RFX3: variants seen among roughly 807,000 people sequenced by gnomAD.
RFX3 encodes the protein transcription factor RFX3.
In RFX3, 14 loss-of-function variants were observed where a neutral mutation model predicts 98.6. The ratio of observed to expected loss-of-function variants is 0.14; its 90% CI spans 0.09 to 0.22. RFX3 has a LOEUF of 0.22. RFX3 is among the 10% of genes least tolerant of loss of function. The probability of loss-of-function intolerance (pLI) is 1.00; values close to 1 mark genes in which losing one functional copy is unlikely to be tolerated. For missense variants in RFX3, 639 were observed against 926.9 expected (o/e 0.69, Z 4.03); for synonymous variants, 383 against 328.4 (o/e 1.17, Z -1.80).
chr9:3,293,039 A>C (rs1235998651), intron 6 of RFX3, 38 bp downstream of exon 6: 1 of 1,503,810 alleles, frequency 6.6e-7, no homozygotes, highest in East Asian at 2.3e-5. Context: ...AGTTTGAAAA[A>C]GAGAGATTAG....
chr9:3,257,859 A>G (rs1822337746), intron 13 of RFX3, among the ~76,000 whole-genome samples: 1 of 152,186 alleles, frequency 6.6e-6, no homozygotes, highest in Non-Finnish European at 1.5e-5. Context: ...GAAAATGTAG[A>G]CGTGCTTCCT....
chr9:3,307,548 C>T (rs971724574), intron 4 of RFX3, among the ~76,000 whole-genome samples: 13 of 152,228 alleles, frequency 8.5e-5, no homozygotes, highest in Non-Finnish European at 1.8e-4. Context: ...TTTCAAATCA[C>T]AGCTCTAAAG....
chr9:3,222,772 A>G lies in RFX3; in HGVS notation c.*2270T>C, dbSNP rs1817406054. On this transcript the variant is annotated 3_prime_UTR_variant, in exon 17 of 17. Coordinates refer to ENST00000617270, the MANE Select transcript of RFX3 (RefSeq NM_001282116.2). ...TTTGTGTGTGTTTTGGTACAAATCC[A>G]TTGTCTTTTTGGGAGGAAAAAGGGG... 6.6e-6 allele frequency: 1 copy of G among 152,138 alleles called. No individual in the cohort carries two copies. Among genetic ancestry groups the G allele is most frequent in the South Asian group, 2.1e-4 (1 of 4,828 alleles). The allele number at this position is 152,138 out of a possible 1,614,324, so 9.4% of individuals were successfully genotyped here.
intron 2 of RFX3, chr9:3,364,368 C>T (rs1836808151): frequency 5.0e-6 from 1 of 201,996 alleles, no homozygotes; most frequent in Non-Finnish European, 1.0e-5. Flanking sequence ...TCTGGTCTTC[C>T]CTATTGCCAG....
At chr9:3,399,958 A>AAAAAG (rs1841314876) in intron 1 of RFX3, among the ~76,000 whole-genome samples, 1 of 152,128 alleles carries the variant, frequency 6.6e-6, no homozygotes, top group Non-Finnish European at 1.5e-5. Context: ...CAAAAAAAAA[A>AAAAAG]AAAAGAAAAT....
intron 15 of RFX3, among the ~76,000 whole-genome samples, chr9:3,229,753 T>A (rs373626749): frequency 1.2e-3 from 186 of 152,318 alleles, no homozygotes; most frequent in African/African-American, 4.4e-3. Flanking sequence ...AAATTCAGAT[T>A]TCTCAACAGG....
intron 1 of RFX3, among the ~76,000 whole-genome samples, chr9:3,483,226 G>A (rs1421433253): frequency 6.6e-6 from 1 of 152,092 alleles, no homozygotes; most frequent in African/African-American, 2.4e-5. Flanking sequence ...AATGTTTAGG[G>A]TCATTTTAGT....
chr9:3,293,393 T>G, intron 5 of RFX3, 135 bp from the exon 6 acceptor site: 1 of 596,142 alleles, frequency 1.7e-6, no homozygotes, highest in Non-Finnish European at 2.8e-6. Flanking sequence ...ACTGCTATAA[T>G]TCAGAAGGTG....
At chr9:3,250,795 A>G (rs1821296627) in intron 14 of RFX3, among the ~76,000 whole-genome samples, 1 of 152,134 alleles carries the variant, frequency 6.6e-6, no homozygotes, top group Admixed American at 6.6e-5. Context: ...GTAACATACA[A>G]AGATGTTTAT....
chr9:3,255,614 A>C (rs1351436056), intron 14 of RFX3, among the ~76,000 whole-genome samples: 1 of 152,244 alleles, frequency 6.6e-6, no homozygotes, highest in African/African-American at 2.4e-5. Context: ...CAGAGTTAAA[A>C]ATATAATTTA....
intron 4 of RFX3, among the ~76,000 whole-genome samples, chr9:3,327,198 T>A (rs919874891): frequency 1.4e-5 from 2 of 146,694 alleles, no homozygotes. Context: ...TGGCATCTCC[T>A]AAAAAAAAAA....
At chr9:3,347,243 C>A (rs545339996) in intron 2 of RFX3, among the ~76,000 whole-genome samples, 211 of 151,932 alleles carry the variant, frequency 1.4e-3, no homozygotes, top group African/African-American at 4.7e-3. Flanking sequence ...ATTGCTTGAA[C>A]CTGGGAGGCA....
intron 15 of RFX3, among the ~76,000 whole-genome samples, chr9:3,237,714 G>A (rs891321720): frequency 6.6e-6 from 1 of 152,044 alleles, no homozygotes; most frequent in African/African-American, 2.4e-5. Context: ...ATTTTGTTGA[G>A]GAGAAAACTA....
At chr9:3,332,116 C>A (rs1478621127) in intron 3 of RFX3, among the ~76,000 whole-genome samples, 2 of 152,164 alleles carry the variant, frequency 1.3e-5, no homozygotes, top group Admixed American at 6.6e-5. Flanking sequence ...TTTTCCAATT[C>A]TCTTTTCCAT....
At chr9:3,404,374 C>A (rs191319677) in intron 1 of RFX3, among the ~76,000 whole-genome samples, 1 of 152,032 alleles carries the variant, frequency 6.6e-6, no homozygotes, top group Non-Finnish European at 1.5e-5. Context: ...ACTGTAAATT[C>A]GGATACTTAA....
intron 4 of RFX3, among the ~76,000 whole-genome samples, chr9:3,328,449 T>C (rs1249130463): frequency 6.6e-6 from 1 of 152,150 alleles, no homozygotes; most frequent in East Asian, 1.9e-4. Flanking sequence ...AAAGCTATGG[T>C]TTATTAGTAG....
intron 1 of RFX3, among the ~76,000 whole-genome samples, chr9:3,488,400 A>G (rs1335725212): frequency 6.6e-6 from 1 of 152,206 alleles, no homozygotes; most frequent in Non-Finnish European, 1.5e-5. Flanking sequence ...AAGATTCACA[A>G]TTATTAGGTA....
At chr9:3,313,687 T>C (rs1241986518) in intron 4 of RFX3, among the ~76,000 whole-genome samples, 3 of 152,180 alleles carry the variant, frequency 2.0e-5, no homozygotes, top group South Asian at 2.1e-4. Flanking sequence ...AATGACCTGA[T>C]GGAGCTGAAA....
intron 3 of RFX3, among the ~76,000 whole-genome samples, chr9:3,343,297 T>A (rs1055952329): frequency 6.6e-6 from 1 of 152,126 alleles, no homozygotes; most frequent in African/African-American, 2.4e-5. Flanking sequence ...ATGATAAAGA[T>A]CAGAGTCCCT....
Sources: allele counts gnomAD v4.1 joint callset (sites outside exome capture counted in the v4.1 genomes callset), GRCh38; gene constraint gnomAD v4.1.1; transcripts MANE v1.5; gene names NCBI Gene and HGNC (gene_info 2026-07-23, HGNC 2026-07-21).